DENND2B: variants seen among roughly 807,000 people sequenced by gnomAD.
The protein encoded by DENND2B is DENN domain-containing protein 2B.
Under a neutral mutation model 116.0 loss-of-function variants are expected in DENND2B, and 32 were observed. The ratio of observed to expected loss-of-function variants is 0.28; its 90% confidence interval spans 0.21 to 0.37. The LOEUF is 0.37. DENND2B is among the 10% of genes least tolerant of loss of function. DENND2B has a pLI of 1.00. For missense variants in DENND2B, 1,276 were observed against 1,477.7 expected (o/e 0.86, Z 2.24); for synonymous variants, 588 against 583.9 (o/e 1.01, Z -0.10).
At chr11:8,802,042 T>G (rs2060393334) in intron 1 of DENND2B, among the ~76,000 whole-genome samples, 2 of 144,558 alleles carry the variant, frequency 1.4e-5, no homozygotes, top group African/African-American at 5.1e-5. Flanking sequence ...GGCTCACACC[T>G]ATAATCCCAG....
intron 2 of DENND2B, among the ~76,000 whole-genome samples, chr11:8,861,778 C>G (rs2063400076): frequency 6.6e-6 from 1 of 152,072 alleles, no homozygotes. Context: ...CGGAACCAAC[C>G]TAAGTGCCCA....
rs2047854560 is a variant in DENND2B, at chr11:8,730,097, G to A, written c.1193C>T (p.Ala398Val). 1.2e-5 allele frequency: 19 copies of A among 1,614,214 alleles called. No individual in the cohort carries two copies. Among genetic ancestry groups the A allele is most frequent in the Non-Finnish European group, 1.6e-5 (19 of 1,180,024 alleles). Residue 398 changes from alanine to valine, a missense_variant, in exon 3 of 20, where the codon GCT becomes GTT. Transcript: ENST00000313726. The surrounding 1 kb of genome is among the most constrained non-coding windows in gnomAD (Gnocchi z 4.1). Reference sequence around the variant, plus strand: ...GGGCTTACTCTTGGGGTTCTTGTCAGCCTCGTATTCAAAGGTGCGCTTGGG... The same window carrying A: ...GGGCTTACTCTTGGGGTTCTTGTCAACCTCGTATTCAAAGGTGCGCTTGGG... The part of the protein sequence containing the change: ...PKPKRTFEYE[A>V]DKNPKSKPSN...
intron 1 of DENND2B, among the ~76,000 whole-genome samples, chr11:8,886,739 G>T (rs1748798048): frequency 6.6e-6 from 1 of 151,780 alleles, no homozygotes; most frequent in Non-Finnish European, 1.5e-5. Context: ...CAACAAACAT[G>T]TACTCAATAC....
chr11:8,896,160 C>A (rs1244482595), intron 1 of DENND2B, among the ~76,000 whole-genome samples: 1 of 152,032 alleles, frequency 6.6e-6, no homozygotes, highest in East Asian at 1.9e-4. Flanking sequence ...ATAATACTAA[C>A]CCTGGAGATC....
chr11:8,756,748 C>T (rs961714395), intron 1 of DENND2B, among the ~76,000 whole-genome samples: 3 of 152,166 alleles, frequency 2.0e-5, no homozygotes, highest in African/African-American at 4.8e-5. Context: ...AGCCCCAGGC[C>T]CTCATCTATG....
chr11:8,757,120 C>G, intron 1 of DENND2B: 1 of 456,090 alleles, frequency 2.2e-6, no homozygotes, highest in Non-Finnish European at 4.4e-6. Flanking sequence ...TGGAAAAACA[C>G]CTGCCTTGAG....
intron 2 of DENND2B, among the ~76,000 whole-genome samples, chr11:8,737,685 C>T (rs2133967977): frequency 6.6e-6 from 1 of 151,846 alleles, no homozygotes; most frequent in Admixed American, 6.6e-5. Flanking sequence ...CTCTTTCTCT[C>T]TCTCTCCTTC....
chr11:8,728,912 C>G (rs992760820), intron 3 of DENND2B, among the ~76,000 whole-genome samples: 3 of 152,188 alleles, frequency 2.0e-5, no homozygotes, highest in Admixed American at 1.3e-4. Flanking sequence ...AAGGACAAAG[C>G]AAACACTCTT....
chr11:8,907,251 C>A (rs1287420092), intron 1 of DENND2B, among the ~76,000 whole-genome samples: 1 of 152,102 alleles, frequency 6.6e-6, no homozygotes, highest in East Asian at 1.9e-4. Flanking sequence ...CAGTCTATTT[C>A]CCTGTTGACC....
At chr11:8,796,049 C>T (rs1224870297) in intron 1 of DENND2B, among the ~76,000 whole-genome samples, 1 of 152,208 alleles carries the variant, frequency 6.6e-6, no homozygotes, top group Non-Finnish European at 1.5e-5. Context: ...TGTTTTCTAG[C>T]AATCTATGCT....
At chr11:8,755,834 T>A (rs555642308) in intron 1 of DENND2B, among the ~76,000 whole-genome samples, 7 of 152,118 alleles carry the variant, frequency 4.6e-5, no homozygotes, top group Non-Finnish European at 8.8e-5. Context: ...GTGATGGTGA[T>A]GATGATGATG....
At chr11:8,846,536 C>T (rs963635664) in intron 3 of DENND2B, among the ~76,000 whole-genome samples, 4 of 152,114 alleles carry the variant, frequency 2.6e-5, no homozygotes, top group Non-Finnish European at 5.9e-5. Context: ...CGGCTGCTTG[C>T]GGACAGGGCA....
intron 1 of DENND2B, chr11:8,785,270 A>G (rs1436708943): frequency 6.6e-6 from 1 of 152,114 alleles, no homozygotes; most frequent in Non-Finnish European, 1.5e-5. Context: ...AACCATCATC[A>G]GCTTTTCTTT....
At chr11:8,844,912 T>G (rs2062759149) in intron 3 of DENND2B, among the ~76,000 whole-genome samples, 1 of 152,088 alleles carries the variant, frequency 6.6e-6, no homozygotes, top group South Asian at 2.1e-4. Context: ...TTCTTTCTAT[T>G]TTTTATTTTT....
At chr11:8,814,937 C>T (rs140940083), upstream of DENND2B, among the ~76,000 whole-genome samples, 1 of 152,200 alleles carries the variant, frequency 6.6e-6, no homozygotes. Flanking sequence ...CCTCATGTGC[C>T]TTGCCTGTGG....
At chr11:8,871,885 A>G (rs1369069399), upstream of DENND2B, among the ~76,000 whole-genome samples, 2 of 152,212 alleles carry the variant, frequency 1.3e-5, no homozygotes, top group African/African-American at 2.4e-5. Flanking sequence ...AAAAATGTAA[A>G]TTACTTAAGA....
chr11:8,799,107 C>T lies in DENND2B; in HGVS notation c.-26+11410G>A, dbSNP rs182746330. On this transcript the variant is annotated intron_variant, in intron 1 of 19. Coordinates refer to ENST00000313726, the MANE Select transcript of DENND2B (RefSeq NM_213618.2). ...AAAGTGCTGGGATTACAGGCCTGAG[C>T]CATTGCACCCTGCCCTGGTTGCTTT... Among the ~76,000 whole-genome samples, 348 of 152,324 alleles carry T rather than the reference C, an allele frequency of 2.3e-3. 2 individuals are homozygous for T. Among genetic ancestry groups the T allele is most frequent in the African/African-American group, 7.9e-3 (328 of 41,566 alleles).
chr11:8,870,824 C>T (rs1262633313), intron 2 of DENND2B: 1 of 152,280 alleles, frequency 6.6e-6, no homozygotes, highest in African/African-American at 2.4e-5. Flanking sequence ...GGCCCCCACG[C>T]GCGTACTCAC....
intron 10 of DENND2B, 94 bp from the exon 11 acceptor site, chr11:8,711,008 G>C (rs1378914150): frequency 6.4e-7 from 1 of 1,570,208 alleles, no homozygotes; most frequent in African/African-American, 1.4e-5. Context: ...GTGGGGTGAA[G>C]GGCCAGGTTG....
Sources: gnomAD v4.1 joint callset for allele counts (sites outside exome capture counted in the v4.1 genomes callset) on GRCh38, gnomAD v4.1.1 for gene constraint, Gnocchi (gnomAD v3.1) non-coding constraint, MANE v1.5 for transcripts, NCBI Gene and HGNC (gene_info 2026-07-23, HGNC 2026-07-21) for gene names.